Variants in RIMKLB observed in about 807,000 individuals in gnomAD.
RIMKLB encodes the protein beta-citrylglutamate synthase B.
RIMKLB carries 7 observed loss-of-function variants against 32.0 expected under a neutral mutation model. That is an observed-to-expected ratio of 0.22 (90% CI 0.12 to 0.41). The LOEUF (loss-of-function observed/expected upper bound fraction) is 0.41, where lower values mean the gene tolerates loss of function less well. RIMKLB is among the 10% of genes least tolerant of loss of function. The pLI, the probability that RIMKLB is intolerant of heterozygous loss-of-function variation, is 1.00. For synonymous variants in RIMKLB, 172 were observed against 185.1 expected, an observed-to-expected ratio of 0.93 and a Z score of 0.57; for missense variants, 289 against 498.7, an observed-to-expected ratio of 0.58 and a Z score of 4.00.
At chr12:8,707,063 CAATG>C (rs913798294) in intron 1 of RIMKLB, among the ~76,000 whole-genome samples, 32 of 152,280 alleles carry the variant, frequency 2.1e-4, no homozygotes, top group Admixed American at 2.0e-3. Context: ...AAACAACATT[CAATG>C]TGCTTTTTCC....
intron 5 of RIMKLB, among the ~76,000 whole-genome samples, chr12:8,755,738 A>G (rs868741742): frequency 1.2e-4 from 18 of 152,264 alleles, no homozygotes; most frequent in South Asian, 2.1e-4. Flanking sequence ...GCCGGGCACA[A>G]TGGCTCACAC....
chr12:8,762,929 T>C (rs543879703), intron 5 of RIMKLB, among the ~76,000 whole-genome samples: 35 of 152,312 alleles, frequency 2.3e-4, no homozygotes, highest in South Asian at 8.3e-4. Context: ...TTGACAGTTA[T>C]GTTCTTTTTT....
chr12:8,758,443 A>G (rs751054469), intron 5 of RIMKLB, among the ~76,000 whole-genome samples: 1 of 152,012 alleles, frequency 6.6e-6, no homozygotes, highest in Non-Finnish European at 1.5e-5. Context: ...TCTGACTTCA[A>G]ATTCTTCTGT....
chr12:8,708,299 T>G (rs914789690), intron 1 of RIMKLB, among the ~76,000 whole-genome samples: 4 of 152,178 alleles, frequency 2.6e-5, no homozygotes, highest in Admixed American at 1.3e-4. Context: ...GATTGTGATT[T>G]TTTGCTTTTT....
chr12:8,763,352 T>G (rs1949693081), intron 5 of RIMKLB, among the ~76,000 whole-genome samples: 1 of 152,218 alleles, frequency 6.6e-6, no homozygotes, highest in Admixed American at 6.5e-5. Context: ...GGTTAGGGCC[T>G]TCTTTAGGGC....
intron 2 of RIMKLB, among the ~76,000 whole-genome samples, chr12:8,716,133 C>T (rs950345411): frequency 6.6e-6 from 1 of 152,132 alleles, no homozygotes; most frequent in Non-Finnish European, 1.5e-5. Flanking sequence ...GCCATAGTTC[C>T]TTATGAAATC....
In RIMKLB at chr12:8,763,458, C is replaced by T. The variant is rs559916209; in HGVS notation, c.697+9365C>T. Among the ~76,000 whole-genome samples the T allele has an allele frequency of 1.1e-3, 173 of 152,314 alleles. 1 individual carries two copies. The highest frequency in any genetic ancestry group is 1.8e-3 in the Non-Finnish European group (123 of 68,024). ...AGTGTATATAATGGCCTGGCTATTT[C>T]GCCATACCTGGGAATCCATATTCAG... On this transcript the variant is annotated intron_variant, in intron 5 of 5. Transcript: ENST00000535829.
intron 2 of RIMKLB, among the ~76,000 whole-genome samples, chr12:8,730,579 CT>C (rs1007629545): frequency 5.9e-5 from 9 of 152,146 alleles, no homozygotes; most frequent in African/African-American, 2.2e-4. Flanking sequence ...TTAGACAGAT[CT>C]GAATATTGCT....
the RIMKLB span, among the ~76,000 whole-genome samples, chr12:8,676,528 A>G: frequency 1.3e-5 from 2 of 149,110 alleles, no homozygotes; most frequent in Admixed American, 6.8e-5. Context: ...CCTCCTGAGT[A>G]GCCAGGACTA....
intron 2 of RIMKLB, among the ~76,000 whole-genome samples, chr12:8,733,777 G>C (rs563707243): frequency 7.7e-4 from 118 of 152,292 alleles, no homozygotes; most frequent in Admixed American, 1.4e-3. Flanking sequence ...TAGCTACTCG[G>C]AGAGGCTGAG....
chr12:8,782,746 A>C (rs1210978797), intron 7 of RIMKLB, among the ~76,000 whole-genome samples: 1 of 152,200 alleles, frequency 6.6e-6, no homozygotes, highest in African/African-American at 2.4e-5. Context: ...GCTCACCAAG[A>C]CAAAGTGATA....
intron 2 of RIMKLB, among the ~76,000 whole-genome samples, chr12:8,715,125 C>T (rs1329971482): frequency 6.6e-6 from 1 of 152,064 alleles, no homozygotes; most frequent in East Asian, 1.9e-4. Flanking sequence ...TATTTTCAAT[C>T]CTCTTGTAAC....
chr12:8,716,715 T>G (rs1345997566), intron 2 of RIMKLB, among the ~76,000 whole-genome samples: 1 of 147,076 alleles, frequency 6.8e-6, no homozygotes, highest in African/African-American at 2.5e-5. Flanking sequence ...GCTTTTTCTT[T>G]CTTTTCCTTC....
At chr12:8,770,860 C>T (rs960476903) in intron 5 of RIMKLB, among the ~76,000 whole-genome samples, 7 of 152,232 alleles carry the variant, frequency 4.6e-5, no homozygotes, top group African/African-American at 1.7e-4. Flanking sequence ...TTCTGACCAA[C>T]TGGCTTCAAG....
At chr12:8,689,453 TTAA>T (rs1363844396) in intron 1 of RIMKLB, among the ~76,000 whole-genome samples, 3 of 152,238 alleles carry the variant, frequency 2.0e-5, no homozygotes, top group African/African-American at 7.2e-5. Flanking sequence ...TTTTGCTCAA[TTAA>T]TATTTTAAAC....
At chr12:8,669,395 AT>A in the RIMKLB span, among the ~76,000 whole-genome samples, 2 of 152,126 alleles carry the variant, frequency 1.3e-5, no homozygotes, top group Admixed American at 6.6e-5. Context: ...TCAACATGAG[AT>A]TTGGAGGGGC....
intron 3 of RIMKLB, 46 bp downstream of exon 3, chr12:8,750,138 T>C: frequency 1.7e-6 from 2 of 1,169,096 alleles, no homozygotes; most frequent in Non-Finnish European, 1.3e-6. Flanking sequence ...TAACCACTGA[T>C]AGTTTTAATA....
intron 1 of RIMKLB, among the ~76,000 whole-genome samples, chr12:8,704,999 C>CACACACACACACACACACAAAA (rs35908223): frequency 6.6e-6 from 1 of 151,540 alleles, no homozygotes; most frequent in African/African-American, 2.4e-5. Flanking sequence ...CACACACACA[C>CACACACACACACACACACAAAA]AAAACCCCAA....
In RIMKLB at chr12:8,712,975, T is replaced by A. The variant is rs118040305; in HGVS notation, c.-56-836T>A. On this transcript the variant is annotated intron_variant, in intron 1 of 5. Coordinates refer to ENST00000535829, the MANE Select transcript of RIMKLB (RefSeq NM_001297776.2). ...GTTCTGAAACTTGTAACTTTTTTGC[T>A]TCTCAGGAAGGTGATTTTTTAATGT... is the stretch of plus-strand genomic sequence containing the variant. Among the ~76,000 whole-genome samples the A allele has an allele frequency of 8.7e-4, 132 of 152,340 alleles. 1 individual carries two copies. The East Asian group carries it at 0.017, about 19-fold the overall frequency.
Sources: gnomAD v4.1 joint callset for allele counts (sites outside exome capture counted in the v4.1 genomes callset) on GRCh38, gnomAD v4.1.1 for gene constraint, MANE v1.5 for transcripts, NCBI Gene and HGNC (gene_info 2026-07-23, HGNC 2026-07-21) for gene names.